The following PLPPR4 variants were observed in gnomAD, a reference collection of about 807,000 sequenced individuals.
PLPPR4 encodes the protein phospholipid phosphatase-related protein type 4.
PLPPR4 carries 24 observed loss-of-function variants against 56.6 expected under a neutral mutation model. The ratio of observed to expected loss-of-function variants is 0.42; its 90% confidence interval spans 0.31 to 0.60. The LOEUF (loss-of-function observed/expected upper bound fraction) is 0.60, where lower values mean the gene tolerates loss of function less well. PLPPR4 is among the 20% of genes least tolerant of loss of function. The pLI, the probability that PLPPR4 is intolerant of heterozygous loss-of-function variation, is 0.13. For synonymous variants in PLPPR4, 326 were observed against 328.1 expected (o/e 0.99, Z 0.07); for missense variants, 654 against 885.8 (o/e 0.74, Z 3.32).
At chr1:99,265,518 G>A (rs1405681314) in intron 1 of PLPPR4, among the ~76,000 whole-genome samples, 2 of 152,152 alleles carry the variant, frequency 1.3e-5, no homozygotes, top group Non-Finnish European at 2.9e-5. Context: ...ATTGCATTAG[G>A]AAGACATTTT....
chr1:99,287,578 G>T (rs1659497538), intron 1 of PLPPR4, among the ~76,000 whole-genome samples: 1 of 152,032 alleles, frequency 6.6e-6, no homozygotes, highest in Admixed American at 6.6e-5. Context: ...TTTAATAATT[G>T]CCATTCTGAC....
At chr1:99,302,447 C>A (rs1659903675) in intron 6 of PLPPR4, among the ~76,000 whole-genome samples, 1 of 151,958 alleles carries the variant, frequency 6.6e-6, no homozygotes, top group Non-Finnish European at 1.5e-5. Context: ...TATTCAATAT[C>A]TATTCCGTGC....
At chr1:99,275,296 AT>A (rs1557774248) in intron 1 of PLPPR4, among the ~76,000 whole-genome samples, 1 of 152,104 alleles carries the variant, frequency 6.6e-6, no homozygotes, top group Non-Finnish European at 1.5e-5. Flanking sequence ...TTCCAGTTGA[AT>A]TTTATGTACA....
chr1:99,270,039 GTGTGT>G (rs1557772580), intron 1 of PLPPR4, among the ~76,000 whole-genome samples: 4 of 148,988 alleles, frequency 2.7e-5, no homozygotes, highest in African/African-American at 5.0e-5. Flanking sequence ...GTGTGTGTGT[GTGTGT>G]GGCAGGGTCT....
upstream of PLPPR4, among the ~76,000 whole-genome samples, chr1:99,263,244 G>A (rs1245529259): frequency 2.0e-5 from 3 of 152,122 alleles, no homozygotes; most frequent in East Asian, 5.8e-4. Flanking sequence ...GCTCTGGTAA[G>A]GGCAGAGAAT....
chr1:99,284,565 G>A (rs112314921), intron 1 of PLPPR4, among the ~76,000 whole-genome samples: 7 of 151,868 alleles, frequency 4.6e-5, no homozygotes, highest in African/African-American at 1.5e-4. Context: ...ACAGGTGTGA[G>A]CCACTGCGCC....
intron 2 of PLPPR4, among the ~76,000 whole-genome samples, chr1:99,295,839 G>A (rs776518793): frequency 6.6e-6 from 1 of 152,126 alleles, no homozygotes; most frequent in Admixed American, 6.6e-5. Flanking sequence ...TTCCCTCAGA[G>A]GGCCCTAGTC....
intron 6 of PLPPR4, among the ~76,000 whole-genome samples, chr1:99,302,897 C>A (rs987851905): frequency 6.6e-6 from 1 of 151,608 alleles, no homozygotes; most frequent in Non-Finnish European, 1.5e-5. Context: ...GCCACATTTT[C>A]TTAATCCAGT....
At chr1:99,276,676 TC>T (rs1318691794) in intron 1 of PLPPR4, among the ~76,000 whole-genome samples, 1 of 152,134 alleles carries the variant, frequency 6.6e-6, no homozygotes, top group East Asian at 1.9e-4. Context: ...CAAGATAAGC[TC>T]TATCAAGTTC....
rs766547999 is a variant in PLPPR4 at position 99,306,288 on chromosome 1, A to C, written c.1426A>C (p.Ile476Leu). ...CATGCCTGGAGGGCCAAGAGTGTCC[A>C]TTCAGTCCCGTCCTGGGTCCTCACA... Reference protein sequence around the residue: ...NSMPGGPRVSIQSRPGSSQLV... With the variant: ...NSMPGGPRVSLQSRPGSSQLV... Residue 476 changes from isoleucine (I) to leucine (L), a missense_variant, in exon 7 of 7, where the codon ATT (isoleucine) becomes CTT (leucine). Coordinates refer to ENST00000370185, the MANE Select transcript of PLPPR4 (RefSeq NM_014839.5). The surrounding 1 kb of genome is among the most constrained non-coding windows in gnomAD (Gnocchi z 4.0). 1 of 1,614,172 alleles carries C rather than the reference A, an allele frequency of 6.2e-7. No individual in the cohort carries two copies. Among genetic ancestry groups the C allele is most frequent in the East Asian group, 2.2e-5 (1 of 44,866 alleles).
At chr1:99,282,828 C>T (rs906939150) in intron 1 of PLPPR4, among the ~76,000 whole-genome samples, 7 of 151,592 alleles carry the variant, frequency 4.6e-5, no homozygotes, top group African/African-American at 1.7e-4. Context: ...GCTTAAATGG[C>T]ACCTACTCAA....
chr1:99,304,633 C>G (rs1402553611), intron 6 of PLPPR4, among the ~76,000 whole-genome samples: 3 of 152,156 alleles, frequency 2.0e-5, no homozygotes, highest in African/African-American at 4.8e-5. Flanking sequence ...AGGAGCTTGG[C>G]TTTATTTCAT....
At chr1:99,274,526 T>A (rs1035333733) in intron 1 of PLPPR4, among the ~76,000 whole-genome samples, 1 of 152,160 alleles carries the variant, frequency 6.6e-6, no homozygotes, top group African/African-American at 2.4e-5. Flanking sequence ...TTTATGTATG[T>A]TTTATACAGT....
At chr1:99,288,792 A>C (rs1659540102) in intron 2 of PLPPR4, among the ~76,000 whole-genome samples, 1 of 152,154 alleles carries the variant, frequency 6.6e-6, no homozygotes, top group Non-Finnish European at 1.5e-5. Flanking sequence ...TAAAGAAAAG[A>C]TAAATATATA....
At chr1:99,290,877 G>A (rs1659599444) in intron 2 of PLPPR4, among the ~76,000 whole-genome samples, 2 of 151,962 alleles carry the variant, frequency 1.3e-5, no homozygotes, top group African/African-American at 2.4e-5. Flanking sequence ...CAAGTCATAG[G>A]CACAGGCAAA....
In PLPPR4 at chr1:99,301,910, C is replaced by A. The variant is rs753130443; in HGVS notation, c.822+13C>A. ...TGCACTGTACTTGGTAAATAAGTTA[C>A]TATTATCTTATAAGCCAAAGTTTAA... On this transcript the variant is annotated intron_variant, in intron 6 of 6. Transcript: ENST00000370185. 4 of 1,564,016 alleles carry A rather than the reference C, an allele frequency of 2.6e-6. No individual in the cohort carries two copies. In the South Asian group the frequency reaches 4.8e-5, roughly 19 times the overall value.
intron 1 of PLPPR4, among the ~76,000 whole-genome samples, chr1:99,268,001 T>C (rs1273213002): frequency 6.6e-6 from 1 of 152,204 alleles, no homozygotes; most frequent in Admixed American, 6.5e-5. Context: ...CTGAAACTCA[T>C]AAAAGTTAAA....
At chr1:99,274,556 A>C (rs942631303) in intron 1 of PLPPR4, among the ~76,000 whole-genome samples, 9 of 152,294 alleles carry the variant, frequency 5.9e-5, no homozygotes, top group Middle Eastern at 3.4e-3. Context: ...ATGGTGGAGC[A>C]GTTTATTACA....
intron 6 of PLPPR4, among the ~76,000 whole-genome samples, chr1:99,302,750 T>C (rs1001579404): frequency 1.4e-5 from 2 of 145,680 alleles, no homozygotes; most frequent in African/African-American, 5.1e-5. Flanking sequence ...CATCTATGAG[T>C]GAGAACATGC....
Sources: gnomAD v4.1 joint callset for allele counts (sites outside exome capture counted in the v4.1 genomes callset) on GRCh38, gnomAD v4.1.1 for gene constraint, Gnocchi (gnomAD v3.1) non-coding constraint, MANE v1.5 for transcripts, NCBI Gene and HGNC (gene_info 2026-07-23, HGNC 2026-07-21) for gene names.